RLF: variants seen among roughly 807,000 people sequenced by gnomAD.
RLF encodes the protein RLF zinc finger.
RLF carries 7 observed loss-of-function variants against 162.9 expected under a neutral mutation model. That is an observed-to-expected ratio of 0.04 (90% CI 0.02 to 0.08). RLF has a LOEUF of 0.08. Among genes scored for constraint, RLF ranks in the 10% least tolerant of loss-of-function variants. The pLI, the probability that RLF is intolerant of heterozygous loss-of-function variation, is 1.00. For synonymous variants in RLF, 782 were observed against 791.5 expected, an observed-to-expected ratio of 0.99 and a Z score of 0.20; for missense variants, 1,664 against 2,244.7, an observed-to-expected ratio of 0.74 and a Z score of 5.23.
rs1216701946 is a variant in RLF, at chr1:40,235,947, A to G, written c.1245A>G (p.Thr415=). The change falls in exon 8 of 8, where the codon ACA becomes ACG. Residue 415 remains threonine, a synonymous_variant. Transcript: ENST00000372771. ...AAGTTAGACGAGCCTGTCAGCTTAC[A>G]GAATTCTTAATTGAACCCAGTTTGG... The part of the protein sequence containing the change: ...DLEVRRACQL[T]EFLIEPSLDG... 6.2e-7 allele frequency: 1 copy of G among 1,614,136 alleles called. No homozygotes were observed. The highest frequency in any genetic ancestry group is 8.5e-7 in the Non-Finnish European group (1 of 1,180,020).
In RLF at chr1:40,237,618, G is replaced by A. The variant is rs1219925167; in HGVS notation, c.2916G>A (p.Gln972=). 1 of 1,614,128 alleles carries A rather than the reference G, an allele frequency of 6.2e-7. No individual in the cohort carries two copies. Among genetic ancestry groups the A allele is most frequent in the East Asian group, 2.2e-5 (1 of 44,882 alleles). Residue 972 remains glutamine (Q), a synonymous_variant, in exon 8 of 8, where the codon CAG becomes CAA. Transcript: ENST00000372771. This position sits in a 1 kb window ranked among gnomAD's most constrained non-coding sequence, Gnocchi z 4.4. ...CATACAAAAATGCAAGAGGAATGCA[G>A]AAACATTTACGGAAGGTTCATCCAT... is the stretch of plus-strand genomic sequence containing the variant. The part of the protein sequence containing the change: ...GSTYKNARGM[Q]KHLRKVHPYH...
intron 4 of RLF, among the ~76,000 whole-genome samples, chr1:40,197,715 A>G (rs1243845361): frequency 6.6e-6 from 1 of 152,256 alleles, no homozygotes; most frequent in Non-Finnish European, 1.5e-5. Flanking sequence ...TAGGTACATG[A>G]TACCTACATA....
At chr1:40,189,234 CTT>C in intron 2 of RLF, 25 bp downstream of exon 2, 1 of 1,595,574 alleles carries the variant, frequency 6.3e-7, no homozygotes, top group Non-Finnish European at 8.6e-7. Flanking sequence ...TTAAATCACT[CTT>C]AAAATTGAGT....
intron 5 of RLF, among the ~76,000 whole-genome samples, chr1:40,205,925 G>A (rs12097098): frequency 0.32 from 48,914 of 151,852 alleles, 9,178 homozygotes; most frequent in African/African-American, 0.52. Flanking sequence ...TTTGCTGTCT[G>A]ATGAGTACAT....
intron 6 of RLF, among the ~76,000 whole-genome samples, chr1:40,229,448 CTTTT>C (rs1005418216): frequency 2.2e-5 from 2 of 90,978 alleles, no homozygotes; most frequent in African/African-American, 9.1e-5. Flanking sequence ...ATTCATTTAT[CTTTT>C]TTTTTTTTTT....
intron 5 of RLF, among the ~76,000 whole-genome samples, chr1:40,215,037 T>TGCA (rs1273140486): frequency 6.7e-6 from 1 of 150,310 alleles, no homozygotes; most frequent in Non-Finnish European, 1.5e-5. Flanking sequence ...AGTCAAAAAG[T>TGCA]GCAGCAACTC....
At chr1:40,221,717 A>G (rs911184272) in intron 5 of RLF, among the ~76,000 whole-genome samples, 2 of 151,774 alleles carry the variant, frequency 1.3e-5, no homozygotes, top group Admixed American at 6.6e-5. Flanking sequence ...TGGCTAACAC[A>G]GTGAAACCCC....
chr1:40,161,644 G>T lies in RLF; in HGVS notation c.237+8G>T. 6.2e-7 allele frequency: 1 copy of T among 1,609,168 alleles called. No individual in the cohort carries two copies. On this transcript the variant is annotated splice_region_variant and intron_variant, in intron 1 of 7. Coordinates refer to ENST00000372771, the MANE Select transcript of RLF (RefSeq NM_012421.4). The surrounding 1 kb of genome is among the most constrained non-coding windows in gnomAD (Gnocchi z 4.4). ...TGCCGGAGCTTCTGCCAGGTGAGGG[G>T]CTGACTGGCTGGCTGAGGGCGGCGG...
chr1:40,182,742 C>T (rs902620237), intron 1 of RLF, among the ~76,000 whole-genome samples: 2 of 124,280 alleles, frequency 1.6e-5, no homozygotes, highest in Non-Finnish European at 3.3e-5. Context: ...AAAGTATAGA[C>T]AGATAGATAG....
chr1:40,171,291 G>A (rs573042329), intron 1 of RLF, among the ~76,000 whole-genome samples: 3 of 152,216 alleles, frequency 2.0e-5, no homozygotes, highest in Admixed American at 1.3e-4. Context: ...AGCCTCCCAA[G>A]GCACTGGGAT....
At chr1:40,211,743 T>TC (rs1431896450) in intron 5 of RLF, among the ~76,000 whole-genome samples, 1 of 152,168 alleles carries the variant, frequency 6.6e-6, no homozygotes, top group Non-Finnish European at 1.5e-5. Flanking sequence ...TGCTTCAGCC[T>TC]CCCGAGTAGC....
intron 6 of RLF, among the ~76,000 whole-genome samples, chr1:40,225,695 T>C (rs975180252): frequency 6.6e-6 from 1 of 150,444 alleles, no homozygotes; most frequent in African/African-American, 2.5e-5. Flanking sequence ...GCTAACACAG[T>C]GAAACCCTGT....
chr1:40,198,581 G>A (rs1248516331), intron 4 of RLF, among the ~76,000 whole-genome samples: 5 of 152,126 alleles, frequency 3.3e-5, no homozygotes, highest in African/African-American at 1.2e-4. Flanking sequence ...GATTACAGGC[G>A]TGCACCACTG....
In RLF at chr1:40,240,579, A is replaced by T. The variant is rs1404194680; in HGVS notation, c.*132A>T. 6.1e-6 allele frequency: 4 copies of T among 650,582 alleles called. No homozygotes were observed. Among genetic ancestry groups the T allele is most frequent in the Middle Eastern group, 2.5e-4 (1 of 3,964 alleles). 40.3% of individuals were successfully genotyped at this position (650,582 alleles called of 1,614,324 possible). A position where few individuals can be genotyped will look rare whatever the true frequency, so the allele number is the denominator to read the frequency against. On this transcript the variant is annotated 3_prime_UTR_variant, in exon 8 of 8. Coordinates refer to ENST00000372771, the MANE Select transcript of RLF (RefSeq NM_012421.4). Reference sequence around the variant, plus strand: ...ATAGGCTGTGTATTTACATGAATGTATAATATCTATGTCAGCAGTATTGGC... The same window carrying T: ...ATAGGCTGTGTATTTACATGAATGTTTAATATCTATGTCAGCAGTATTGGC...
rs1643149661 is a variant in RLF at position 40,231,380 on chromosome 1, G to A, written c.948-137G>A. ...TATCAGTTTGGGAGAAAGCAGTGGT[G>A]AATATAGACAGCTTTTAATCTAGTT... On this transcript the variant is annotated intron_variant, in intron 6 of 7. Transcript: ENST00000372771. 7.6e-6 allele frequency: 5 copies of A among 658,544 alleles called. No individual in the cohort carries two copies. In the Admixed American group the frequency reaches 8.6e-5, roughly 11 times the overall value. 40.8% of individuals were successfully genotyped at this position (658,544 alleles called of 1,614,324 possible). A position where few individuals can be genotyped will look rare whatever the true frequency, so the allele number is the denominator to read the frequency against.
intron 1 of RLF, among the ~76,000 whole-genome samples, chr1:40,165,008 T>C (rs1201463568): frequency 6.6e-6 from 1 of 152,238 alleles, no homozygotes; most frequent in Admixed American, 6.5e-5. Flanking sequence ...TGTGTGACCT[T>C]GGGCATGTTA....
intron 1 of RLF, among the ~76,000 whole-genome samples, chr1:40,167,491 T>TA: frequency 6.6e-6 from 1 of 152,186 alleles, no homozygotes; most frequent in Admixed American, 6.5e-5. Context: ...TCTTGTCTCT[T>TA]ACTGTGTACT....
chr1:40,222,766 G>T, intron 6 of RLF, 56 bp downstream of exon 6: 1 of 1,463,344 alleles, frequency 6.8e-7, no homozygotes, highest in South Asian at 1.2e-5. Context: ...TAGCATTTAG[G>T]GTTTATGTAA....
At position 40,161,732 on chromosome 1, in the gene RLF, G is replaced by A; in HGVS notation, c.237+96G>A. The A allele has an allele frequency of 6.7e-7, 1 of 1,489,436 alleles. No individual in the cohort carries two copies. Among genetic ancestry groups the A allele is most frequent in the Non-Finnish European group, 8.9e-7 (1 of 1,125,920 alleles). 92.3% of individuals were successfully genotyped at this position (1,489,436 alleles called of 1,614,324 possible). ...TAAGCAGCCGGGTCCAAACTGAAAG[G>A]CGCCACCTCCGTGACTCGCCGCGCC... On this transcript the variant is annotated intron_variant, in intron 1 of 7. Transcript: ENST00000372771. This position sits in a 1 kb window ranked among gnomAD's most constrained non-coding sequence, Gnocchi z 4.4.
Sources: gnomAD v4.1 joint callset for allele counts (sites outside exome capture counted in the v4.1 genomes callset) on GRCh38, gnomAD v4.1.1 for gene constraint, Gnocchi (gnomAD v3.1) non-coding constraint, MANE v1.5 for transcripts, NCBI Gene and HGNC (gene_info 2026-07-23, HGNC 2026-07-21) for gene names.